The following PITPNM3 variants were observed in gnomAD, a reference collection of about 807,000 sequenced individuals.
PITPNM3 encodes membrane-associated phosphatidylinositol transfer protein 3.
A neutral mutation model predicts 102.0 loss-of-function variants in PITPNM3; 26 were observed. That is an observed-to-expected ratio of 0.25 (90% CI 0.19 to 0.35). The LOEUF (loss-of-function observed/expected upper bound fraction) is 0.35. PITPNM3 is among the 10% of genes least tolerant of loss of function. PITPNM3 has a pLI of 1.00. For synonymous variants in PITPNM3, 578 were observed against 558.6 expected (o/e 1.03, Z -0.49); for missense variants, 1,083 against 1,346.1 (o/e 0.80, Z 3.06).
At chr17:6,499,244 A>G (rs920661194) in intron 4 of PITPNM3, among the ~76,000 whole-genome samples, 1 of 152,136 alleles carries the variant, frequency 6.6e-6, no homozygotes, top group African/African-American at 2.4e-5. Flanking sequence ...CAACTGCACA[A>G]TGAAGGCTGG....
In PITPNM3 at chr17:6,537,923, ATCT is replaced by A. The variant is rs908613191; in HGVS notation, c.118+61_118+63del. On this transcript the variant is annotated intron_variant, in intron 2 of 19. Coordinates refer to ENST00000262483, the MANE Select transcript of PITPNM3 (RefSeq NM_031220.4). This position sits in a 1 kb window ranked among gnomAD's most constrained non-coding sequence, Gnocchi z 4.4. ...GGAGGGATGCGGACCCCCAAATGGG[ATCT>A]TCTTCTTGAGGCTTCTAGGAAGGTC... 11 of 1,388,744 alleles carry A rather than the reference ATCT, an allele frequency of 7.9e-6. No homozygotes were observed. Among genetic ancestry groups the A allele is most frequent in the African/African-American group, 5.7e-5 (4 of 70,160 alleles). The allele number at this position is 1,388,744 out of a possible 1,614,324, so 86.0% of individuals were successfully genotyped here. A position where few individuals can be genotyped will look rare whatever the true frequency, so the allele number is the denominator to read the frequency against.
At chr17:6,497,884 G>C (rs879900085) in intron 4 of PITPNM3, among the ~76,000 whole-genome samples, 5 of 152,156 alleles carry the variant, frequency 3.3e-5, no homozygotes, top group Non-Finnish European at 7.3e-5. Context: ...CTCTCAACTC[G>C]CACTTTCCCA....
chr17:6,477,044 T>G lies in PITPNM3; in HGVS notation c.1070A>C (p.His357Pro). ...GAGGGGCTACCTTGAGAGGAAGGCA[T>G]GGTGCTGGGTGATGGCCTCGCAGTC... ...TYDCEAITQH[H>P]AFLSSIHSSV... The change falls in exon 9 of 20, where the codon CAT (histidine) becomes CCT (proline). Residue 357 changes from histidine (H) to proline (P), a missense_variant. By Grantham distance (77) the His-to-Pro change is moderately conservative. Transcript: ENST00000262483. 6.2e-7 allele frequency: 1 copy of G among 1,614,074 alleles called. No individual in the cohort carries two copies. The highest frequency in any genetic ancestry group is 8.5e-7 in the Non-Finnish European group (1 of 1,180,006).
In PITPNM3 at chr17:6,517,597, T is replaced by C. The variant is rs1389547477; in HGVS notation, c.226+7759A>G. On this transcript the variant is annotated intron_variant, in intron 3 of 19. Coordinates refer to ENST00000262483, the MANE Select transcript of PITPNM3 (RefSeq NM_031220.4). This position sits in a 1 kb window ranked among gnomAD's most constrained non-coding sequence, Gnocchi z 4.1. Reference sequence around the variant, plus strand: ...TTTTTTGAGACAGGGGCTCATTCTGTCACCCAGGCTGGGTTGCAGTGGAGC... The same window carrying C: ...TTTTTTGAGACAGGGGCTCATTCTGCCACCCAGGCTGGGTTGCAGTGGAGC... 6.6e-6 allele frequency among the ~76,000 whole-genome samples: 1 copy of C among 152,096 alleles called. No individual in the cohort carries two copies. Among genetic ancestry groups the C allele is most frequent in the Non-Finnish European group, 1.5e-5 (1 of 68,006 alleles).
chr17:6,503,596 A>G (rs760728913), intron 3 of PITPNM3, 22 bp from the exon 4 acceptor site: 4 of 1,603,990 alleles, frequency 2.5e-6, no homozygotes, highest in African/African-American at 2.7e-5. Flanking sequence ...GAAAAGAAAC[A>G]TGAGCAGATC....
At chr17:6,512,187 GA>G (rs377526046) in intron 3 of PITPNM3, among the ~76,000 whole-genome samples, 4 of 152,294 alleles carry the variant, frequency 2.6e-5, no homozygotes, top group African/African-American at 9.6e-5. Context: ...AAATACCCAA[GA>G]GGAATAAAAC....
chr17:6,497,565 C>CT (rs558727017), intron 4 of PITPNM3, among the ~76,000 whole-genome samples: 62 of 152,280 alleles, frequency 4.1e-4, no homozygotes, highest in African/African-American at 1.4e-3. Context: ...ATTGCCAGGT[C>CT]TTTTTCTGGG....
Position 6,468,223 on chromosome 17 carries a change from A to G in PITPNM3, c.1890+2T>C. On this transcript the variant is annotated splice_donor_variant, in intron 14 of 19. Coordinates refer to ENST00000262483, the MANE Select transcript of PITPNM3 (RefSeq NM_031220.4). LOFTEE classifies it high-confidence loss of function. This position sits in a 1 kb window ranked among gnomAD's most constrained non-coding sequence, Gnocchi z 5.2. ...CCACATGCGAACTGAGCATGCACGCACCCTCAGCTTGACCTGAGTCCGCTT... is the reference window on the plus strand; with the variant it reads ...CCACATGCGAACTGAGCATGCACGCGCCCTCAGCTTGACCTGAGTCCGCTT... 1 of 1,612,518 alleles carries G rather than the reference A, an allele frequency of 6.2e-7. No individual in the cohort carries two copies. Among genetic ancestry groups the G allele is most frequent in the Non-Finnish European group, 8.5e-7 (1 of 1,179,706 alleles).
At chr17:6,471,452 G>T in intron 11 of PITPNM3, 97 bp from the exon 12 acceptor site, 1 of 1,224,698 alleles carries the variant, frequency 8.2e-7, no homozygotes, top group Non-Finnish European at 1.1e-6. Context: ...CTGGGCACTT[G>T]GAGGAGTCAG....
At position 6,455,191 on chromosome 17, in the gene PITPNM3, C is replaced by T; in HGVS notation, c.*147G>A. The T allele has an allele frequency of 7.3e-6, 8 of 1,096,490 alleles. No individual in the cohort carries two copies. Among genetic ancestry groups the T allele is most frequent in the Non-Finnish European group, 9.9e-6 (8 of 804,914 alleles). The allele number at this position is 1,096,490 out of a possible 1,614,324, so 67.9% of individuals were successfully genotyped here. Reference sequence around the variant, plus strand: ...GAGCCCCCCGGGCTCGGGCAGGATCCCTCCCCGCTCTGGTCGGACACTGCT... The same window carrying T: ...GAGCCCCCCGGGCTCGGGCAGGATCTCTCCCCGCTCTGGTCGGACACTGCT... On this transcript the variant is annotated 3_prime_UTR_variant, in exon 20 of 20. Transcript: ENST00000262483.
intron 2 of PITPNM3, among the ~76,000 whole-genome samples, chr17:6,530,252 C>G (rs1909072019): frequency 6.6e-6 from 1 of 152,222 alleles, no homozygotes; most frequent in Admixed American, 6.5e-5. Context: ...TGCCGGGAGG[C>G]TGAGTGATCA....
At position 6,537,692 on chromosome 17, in the gene PITPNM3, C is replaced by T. The variant is rs1238085575; in HGVS notation, c.118+295G>A. On this transcript the variant is annotated intron_variant, in intron 2 of 19. Transcript: ENST00000262483. The surrounding 1 kb of genome is among the most constrained non-coding windows in gnomAD (Gnocchi z 4.4). ...TGTATTTTCTTGGATGTCTGCCTCT[C>T]CTGCAAGGCTATAAGTATGATGAGA... Among the ~76,000 whole-genome samples the T allele has an allele frequency of 1.3e-5, 2 of 152,230 alleles. No individual in the cohort carries two copies. The highest frequency in any genetic ancestry group is 1.3e-4 in the Admixed American group (2 of 15,282).
chr17:6,504,559 G>C (rs555299252), intron 3 of PITPNM3, among the ~76,000 whole-genome samples: 2 of 152,252 alleles, frequency 1.3e-5, no homozygotes, highest in African/African-American at 4.8e-5. Flanking sequence ...AGAGTGTCCA[G>C]CTGGAATCTG....
chr17:6,461,694 C>CTCAG, intron 17 of PITPNM3, 138 bp from the exon 18 acceptor site: 1 of 967,522 alleles, frequency 1.0e-6, no homozygotes, highest in Non-Finnish European at 1.6e-6. Context: ...ACAAGGGGGA[C>CTCAG]CCCGAATCCC....
intron 2 of PITPNM3, among the ~76,000 whole-genome samples, chr17:6,525,865 G>C (rs1908805663): frequency 6.6e-6 from 1 of 152,184 alleles, no homozygotes; most frequent in Non-Finnish European, 1.5e-5. Flanking sequence ...CACTAAAATG[G>C]ATCTGGCCAC....
intron 3 of PITPNM3, among the ~76,000 whole-genome samples, chr17:6,505,868 C>T (rs1272860651): frequency 6.6e-6 from 1 of 152,082 alleles, no homozygotes; most frequent in Non-Finnish European, 1.5e-5. Context: ...GCGAGACCGG[C>T]GGGGAGAGAC....
chr17:6,528,366 C>T (rs1597404690), intron 2 of PITPNM3, among the ~76,000 whole-genome samples: 1 of 152,134 alleles, frequency 6.6e-6, no homozygotes, highest in East Asian at 1.9e-4. Flanking sequence ...TCTCTGGGTC[C>T]CTGTCCTCAG....
chr17:6,476,927 T>C (rs1019824513), intron 9 of PITPNM3, 102 bp downstream of exon 9: 35 of 1,412,188 alleles, frequency 2.5e-5, no homozygotes, highest in Non-Finnish European at 3.3e-5. Flanking sequence ...TCAGTGCTTA[T>C]CTATGGGCCC....
At chr17:6,477,408 C>T (rs542460798) in intron 8 of PITPNM3, among the ~76,000 whole-genome samples, 195 bp from the exon 9 acceptor site, 4 of 152,186 alleles carry the variant, frequency 2.6e-5, no homozygotes, top group East Asian at 3.9e-4. Flanking sequence ...CCGCATCCAC[C>T]GGGATTGACA....
Sources: gnomAD v4.1 joint callset for allele counts (sites outside exome capture counted in the v4.1 genomes callset) on GRCh38, gnomAD v4.1.1 for gene constraint, Gnocchi (gnomAD v3.1) non-coding constraint, MANE v1.5 for transcripts, NCBI Gene and HGNC (gene_info 2026-07-23, HGNC 2026-07-21) for gene names.